Variants in SYNRG observed in about 807,000 individuals in gnomAD.
The protein encoded by SYNRG is AP1 gamma subunit binding protein 1.
SYNRG carries 37 observed loss-of-function variants against 130.9 expected under a neutral mutation model. That is an observed-to-expected ratio of 0.28 (90% CI 0.22 to 0.37). The LOEUF (loss-of-function observed/expected upper bound fraction) is 0.37, where lower values mean the gene tolerates loss of function less well. Among genes scored for constraint, SYNRG ranks in the 10% least tolerant of loss-of-function variants. The pLI is 1.00. For synonymous variants in SYNRG, 539 were observed against 568.1 expected (o/e 0.95, Z 0.73); for missense variants, 1,338 against 1,588.9 (o/e 0.84, Z 2.68).
chr17:37,608,125 G>C (rs2063976444), intron 1 of SYNRG, among the ~76,000 whole-genome samples: 2 of 152,032 alleles, frequency 1.3e-5, no homozygotes, highest in Admixed American at 6.6e-5. Flanking sequence ...AAAGCAAAAA[G>C]TTTAAAAATC....
chr17:37,592,129 A>G (rs949897854), intron 3 of SYNRG, among the ~76,000 whole-genome samples: 5 of 152,194 alleles, frequency 3.3e-5, no homozygotes, highest in African/African-American at 1.2e-4. Context: ...CAATTAGAAA[A>G]TGGTCAGAAG....
intron 3 of SYNRG, among the ~76,000 whole-genome samples, chr17:37,590,984 GA>G (rs1394453345): frequency 3.3e-5 from 5 of 152,076 alleles, no homozygotes; most frequent in Non-Finnish European, 5.9e-5. Flanking sequence ...GGAGAGGAAG[GA>G]AAGTATTTTT....
chr17:37,597,220 C>A lies in SYNRG; in HGVS notation c.119-876G>T, dbSNP rs80306640. Among the ~76,000 whole-genome samples the A allele has an allele frequency of 2.7e-3, 415 of 152,322 alleles. 2 individuals carry two copies. Among genetic ancestry groups the A allele is most frequent in the African/African-American group, 9.6e-3 (401 of 41,564 alleles). Reference sequence around the variant, plus strand: ...TGAATTTGCCATCTATCTCAGCGAGCCACCTCGGCAGCATCTCCATGAAAC... The same window carrying A: ...TGAATTTGCCATCTATCTCAGCGAGACACCTCGGCAGCATCTCCATGAAAC... On this transcript the variant is annotated intron_variant, in intron 2 of 21. Coordinates refer to ENST00000612223, the MANE Select transcript of SYNRG (RefSeq NM_007247.6).
At chr17:37,566,382 A>G (rs71530361) in intron 11 of SYNRG, among the ~76,000 whole-genome samples, 22,229 of 144,890 alleles carry the variant, frequency 0.15, 1,487 homozygotes, top group Middle Eastern at 0.27. Context: ...ACTCAGGGTT[A>G]AATGGATTAA....
At chr17:37,529,727 C>A (rs2056409023) in intron 19 of SYNRG, 1 of 1,514,832 alleles carries the variant, frequency 6.6e-7, no homozygotes, top group Admixed American at 2.0e-5. Context: ...AATCTCCCCA[C>A]TTATCCTTTC....
At chr17:37,600,675 C>G (rs192459102) in intron 1 of SYNRG, 62 of 554,322 alleles carry the variant, frequency 1.1e-4, no homozygotes, top group African/African-American at 1.1e-3. Context: ...TTCCAGTTTC[C>G]CCATCTATAA....
chr17:37,602,982 C>T (rs956606783), intron 1 of SYNRG, among the ~76,000 whole-genome samples: 1 of 152,142 alleles, frequency 6.6e-6, no homozygotes, highest in African/African-American at 2.4e-5. Context: ...TGAGATTGCC[C>T]CACTGCACTC....
chr17:37,609,066 G>A (rs1050358574), intron 1 of SYNRG, among the ~76,000 whole-genome samples: 39 of 147,776 alleles, frequency 2.6e-4, no homozygotes, highest in African/African-American at 7.5e-5. Context: ...TCGATTCCAG[G>A]CGGCCGGCGC....
At chr17:37,594,462 C>CTTTTT (rs58155320) in intron 3 of SYNRG, among the ~76,000 whole-genome samples, 5 of 124,524 alleles carry the variant, frequency 4.0e-5, no homozygotes, top group South Asian at 2.6e-4. Flanking sequence ...CTTTCTTCTT[C>CTTTTT]TTTTTTTTTT....
chr17:37,603,649 A>G (rs184481956), intron 1 of SYNRG, among the ~76,000 whole-genome samples: 145 of 152,346 alleles, frequency 9.5e-4, no homozygotes, highest in African/African-American at 3.3e-3. Flanking sequence ...TAACGTTTTC[A>G]AAAGAAACTT....
intron 1 of SYNRG, among the ~76,000 whole-genome samples, chr17:37,602,266 G>A (rs1343546969): frequency 1.3e-5 from 2 of 152,008 alleles, no homozygotes; most frequent in Non-Finnish European, 2.9e-5. Flanking sequence ...GAACCCAGGA[G>A]GCGGAGGTTG....
chr17:37,577,692 ATTCTTT>A, intron 6 of SYNRG, 79 bp from the exon 7 acceptor site: 1 of 770,452 alleles, frequency 1.3e-6, no homozygotes, highest in Non-Finnish European at 1.9e-6. Flanking sequence ...CCACCCCCAT[ATTCTTT>A]TTTTTTTTTT....
intron 13 of SYNRG, among the ~76,000 whole-genome samples, chr17:37,555,112 T>TA (rs2059012215): frequency 6.6e-6 from 1 of 152,120 alleles, no homozygotes; most frequent in South Asian, 2.1e-4. Flanking sequence ...AAGACATTGA[T>TA]AAAAATTTAG....
At chr17:37,581,404 A>C (rs1032305339) in intron 6 of SYNRG, among the ~76,000 whole-genome samples, 11 of 151,784 alleles carry the variant, frequency 7.2e-5, no homozygotes, top group African/African-American at 2.2e-4. Flanking sequence ...CAGCCTCGCA[A>C]GTAGCTGGGA....
intron 6 of SYNRG, among the ~76,000 whole-genome samples, chr17:37,580,506 TGTGTGAGAGA>T (rs976473583): frequency 6.1e-5 from 7 of 114,128 alleles, no homozygotes; most frequent in African/African-American, 2.6e-4. Context: ...TGTGTGTGTG[TGTGTGAGAGA>T]GAGAGAGAGA....
chr17:37,583,935 T>A (rs2061512050), intron 6 of SYNRG, among the ~76,000 whole-genome samples: 1 of 152,092 alleles, frequency 6.6e-6, no homozygotes, highest in African/African-American at 2.4e-5. Context: ...CCTCAAGTGA[T>A]CCCACCTGCC....
chr17:37,533,047 C>G (rs1284247210), intron 19 of SYNRG, among the ~76,000 whole-genome samples: 2 of 151,738 alleles, frequency 1.3e-5, no homozygotes, highest in Non-Finnish European at 2.9e-5. Context: ...TTTTTGAAGG[C>G]AATGTTGATT....
intron 19 of SYNRG, among the ~76,000 whole-genome samples, chr17:37,523,671 G>C (rs2055434854): frequency 6.6e-6 from 1 of 152,176 alleles, no homozygotes; most frequent in African/African-American, 2.4e-5. Context: ...AGCTGTGTCT[G>C]AAATAGCAGT....
Position 37,538,426 on chromosome 17 carries a change from A to G in SYNRG, c.3421-6T>C. On this transcript the variant is annotated splice_polypyrimidine_tract_variant and splice_region_variant and intron_variant, in intron 17 of 21. Transcript: ENST00000612223. ...TCATTTGCCTTCTTAATGACCTACA[A>G]GAAATGAAATCACATCACCTTACAT... The G allele has an allele frequency of 6.3e-7, 1 of 1,590,664 alleles. No individual in the cohort carries two copies. Among genetic ancestry groups the G allele is most frequent in the Non-Finnish European group, 8.6e-7 (1 of 1,166,480 alleles).
Sources: gnomAD v4.1 joint callset for allele counts (sites outside exome capture counted in the v4.1 genomes callset) on GRCh38, gnomAD v4.1.1 for gene constraint, MANE v1.5 for transcripts, NCBI Gene and HGNC (gene_info 2026-07-23, HGNC 2026-07-21) for gene names.